The following SPAG5 variants were observed in gnomAD, a reference collection of about 807,000 sequenced individuals.
The protein encoded by SPAG5 is sperm-associated antigen 5.
SPAG5 carries 99 observed loss-of-function variants against 145.4 expected under a neutral mutation model. The ratio of observed to expected loss-of-function variants is 0.68; its 90% CI spans 0.58 to 0.80. The LOEUF is 0.80. Among genes scored for constraint, SPAG5 ranks in the 30% least tolerant of loss-of-function variants. The pLI is 0.00. For missense variants in SPAG5, 1,192 were observed against 1,416.0 expected, an observed-to-expected ratio of 0.84 and a Z score of 2.54; for synonymous variants, 477 against 525.4, an observed-to-expected ratio of 0.91 and a Z score of 1.26.
At chr17:28,582,687 G>A (rs1356202804) in intron 15 of SPAG5, 2 of 152,170 alleles carry the variant, frequency 1.3e-5, no homozygotes, top group East Asian at 3.8e-4. Flanking sequence ...CCAGATTTTA[G>A]GATATTTGTT....
In SPAG5 at chr17:28,584,663, C is replaced by T. The variant is rs201101806; in HGVS notation, c.2150G>A (p.Arg717His). ...ACACACACAAACACCTGTTGCTAGA[C>T]GACTGTTTTCCAACTCCAGTTGTTC... is the stretch of plus-strand genomic sequence containing the variant. ...QTEQLELENS[R>H]LATDLRAQLQ... The change falls in exon 11 of 24, where the codon CGT (arginine) becomes CAT (histidine). Residue 717 changes from arginine (R) to histidine (H), a missense_variant. By Grantham distance (29) the Arg-to-His change is conservative. Transcript: ENST00000321765. 36 of 1,613,924 alleles carry T rather than the reference C, an allele frequency of 2.2e-5. No individual in the cohort carries two copies. Among genetic ancestry groups the T allele is most frequent in the Admixed American group, 3.3e-5 (2 of 60,006 alleles).
In SPAG5 at chr17:28,578,460, G is replaced by C. The variant is rs2070523643; in HGVS notation, c.3267C>G (p.Leu1089=). 3 of 1,613,826 alleles carry C rather than the reference G, an allele frequency of 1.9e-6. No homozygotes were observed. The highest frequency in any genetic ancestry group is 2.5e-6 in the Non-Finnish European group (3 of 1,180,042). Residue 1089 remains leucine (L), a synonymous_variant, in exon 21 of 24, where the codon CTC becomes CTG. Transcript: ENST00000321765. ...LRRAETETKV[L]QEALAGQLDS... is the part of the protein sequence containing the mutation. ...CCAGCTGGCCTGCCAGGGCCTCCTG[G>C]AGCACTTTGGTCTCTGTCTCCGCAC...
rs1349276571 is a variant in SPAG5 at position 28,598,881 on chromosome 17, A to C, written c.51+15T>G. On this transcript the variant is annotated intron_variant, in intron 1 of 23. Coordinates refer to ENST00000321765, the MANE Select transcript of SPAG5 (RefSeq NM_006461.4). ...AGCCCGGCCCAGTTCTCTCCGCCAG[A>C]GATCTCCCGCTTACCGTCTGGGGCG... 6.2e-7 allele frequency: 1 copy of C among 1,613,370 alleles called. No homozygotes were observed. Among genetic ancestry groups the C allele is most frequent in the Non-Finnish European group, 8.5e-7 (1 of 1,179,574 alleles).
Position 28,583,558 on chromosome 17 carries a change from G to A in SPAG5, c.2638C>T (p.Gln880Ter), listed in dbSNP as rs771799136. 5.6e-6 allele frequency: 9 copies of A among 1,613,286 alleles called. No homozygotes were observed. In the South Asian group the frequency reaches 9.9e-5, roughly 18 times the overall value. ...YSQKLGLLTE[Q>*]LQSLTLFLQT... Reference sequence around the variant, plus strand: ...AGAAAGAGAGTCAGGCTCTGTAGTTGCTCAGTCAGCAGCCCTAGCTTTTGA... The same window carrying A: ...AGAAAGAGAGTCAGGCTCTGTAGTTACTCAGTCAGCAGCCCTAGCTTTTGA... Residue 880 changes from glutamine to a stop codon, truncating the protein, a stop_gained, in exon 15 of 24, where the codon CAA becomes TAA. Coordinates refer to ENST00000321765, the MANE Select transcript of SPAG5 (RefSeq NM_006461.4). LOFTEE classifies it high-confidence loss of function.
chr17:28,590,064 G>A (rs575871947), intron 4 of SPAG5, among the ~76,000 whole-genome samples: 6 of 152,162 alleles, frequency 3.9e-5, no homozygotes, highest in Non-Finnish European at 8.8e-5. Context: ...CTTTTAATCA[G>A]TTGTATATTA....
At chr17:28,581,315 GGCT>G (rs951318061) in intron 15 of SPAG5, among the ~76,000 whole-genome samples, 3 of 152,120 alleles carry the variant, frequency 2.0e-5, no homozygotes, top group Non-Finnish European at 2.9e-5. Context: ...TTGTGGCTGC[GGCT>G]GCTAACTGGC....
chr17:28,578,805 C>T (rs2070527213), intron 19 of SPAG5, 53 bp from the exon 20 acceptor site: 3 of 1,433,010 alleles, frequency 2.1e-6, no homozygotes, highest in Non-Finnish European at 2.9e-6. Flanking sequence ...CTCTTCACAG[C>T]CCTTGCCAGG....
At chr17:28,588,534 A>G (rs908701774) in intron 4 of SPAG5, among the ~76,000 whole-genome samples, 4 of 152,190 alleles carry the variant, frequency 2.6e-5, no homozygotes, top group African/African-American at 9.7e-5. Context: ...TTTCAACTCA[A>G]AGGAGGTCTC....
At position 28,577,704 on chromosome 17, in the gene SPAG5, T is replaced by C. The variant is rs780335424; in HGVS notation, c.3577A>G (p.Ser1193Gly). 8 of 1,612,546 alleles carry C rather than the reference T, an allele frequency of 5.0e-6. No homozygotes were observed. The highest frequency in any genetic ancestry group is 2.2e-5 in the East Asian group (1 of 44,882). Reference sequence around the variant, plus strand: ...AGATTCTGGCTTTCAGTTTCTTAGCTCAGAAATTCCAGCAATCCCTGTAGT... The same window carrying C: ...AGATTCTGGCTTTCAGTTTCTTAGCCCAGAAATTCCAGCAATCCCTGTAGT... ...KELQGLLEFL[S>G] is the part of the protein sequence containing the mutation. The change falls in exon 24 of 24, where the codon AGC becomes GGC. Residue 1193 changes from serine to glycine, a missense_variant. By Grantham distance (56) the Ser-to-Gly change is moderately conservative. This residue lies in a region of SPAG5 where 709 missense variants were observed against 840.7 expected (regional missense o/e 0.84). Coordinates refer to ENST00000321765, the MANE Select transcript of SPAG5 (RefSeq NM_006461.4).
In SPAG5 at chr17:28,584,172, C is replaced by A; in HGVS notation, c.2390G>T (p.Arg797Leu). 1.2e-6 allele frequency: 2 copies of A among 1,614,066 alleles called. No homozygotes were observed. Among genetic ancestry groups the A allele is most frequent in the Non-Finnish European group, 1.7e-6 (2 of 1,180,040 alleles). ...QQQAVLAKEV[R>L]DLKETLEFAD... ...TACCTCCAAGGTCTCTTTCAGGTCCCGCACCTCTTTGGCCAGGACAGCTTG... is the reference window on the plus strand; with the variant it reads ...TACCTCCAAGGTCTCTTTCAGGTCCAGCACCTCTTTGGCCAGGACAGCTTG... The change falls in exon 13 of 24, where the codon CGG (arginine) becomes CTG (leucine). Residue 797 changes from arginine to leucine, a missense_variant. Around this residue, in one of 5 missense-constraint regions of SPAG5, gnomAD observed 709 missense variants for 840.7 expected, o/e 0.84. Transcript: ENST00000321765.
chr17:28,595,903 TG>T (rs1254106466), intron 2 of SPAG5, among the ~76,000 whole-genome samples: 1 of 151,836 alleles, frequency 6.6e-6, no homozygotes, highest in East Asian at 1.9e-4. Context: ...AAAAATTACC[TG>T]GGCGTAGTGA....
chr17:28,598,858 C>A (rs1269870132), intron 1 of SPAG5, 38 bp downstream of exon 1: 1 of 1,609,870 alleles, frequency 6.2e-7, no homozygotes, highest in Non-Finnish European at 8.5e-7. Context: ...GCGACAGCAG[C>A]CCGGCCCAGT....
At chr17:28,578,641 G>A in intron 20 of SPAG5, 31 bp downstream of exon 20, 2 of 1,611,086 alleles carry the variant, frequency 1.2e-6, no homozygotes, top group African/African-American at 1.3e-5. Flanking sequence ...TAACACAGAA[G>A]GCAAAGGCCT....
rs758307725 is a variant in SPAG5 at position 28,579,387 on chromosome 17, T to G, written c.2983A>C (p.Ile995Leu). The change falls in exon 18 of 24, where the codon ATC becomes CTC. Residue 995 changes from isoleucine to leucine, a missense_variant. Ile to Leu is a conservative substitution (Grantham distance 5, BLOSUM62 2). This residue lies in a region of SPAG5 where 709 missense variants were observed against 840.7 expected (regional missense o/e 0.84). Transcript: ENST00000321765. Reference protein sequence around the residue: ...SLLQESKEEAIRTLQRKICEL... With the variant: ...SLLQESKEEALRTLQRKICEL... ...CACATTTTTCGCTGCAGAGTCCTGATGGCTTCTTCTTTAGACTCTTGTAGC... is the reference window on the plus strand; with the variant it reads ...CACATTTTTCGCTGCAGAGTCCTGAGGGCTTCTTCTTTAGACTCTTGTAGC... 1 of 1,614,228 alleles carries G rather than the reference T, an allele frequency of 6.2e-7. No individual in the cohort carries two copies. The highest frequency in any genetic ancestry group is 1.3e-5 in the African/African-American group (1 of 75,066).
chr17:28,596,796 A>C (rs1026734252), intron 2 of SPAG5, among the ~76,000 whole-genome samples: 3 of 152,168 alleles, frequency 2.0e-5, no homozygotes, highest in African/African-American at 4.8e-5. Flanking sequence ...AGCCACATGT[A>C]GCTATTGAAA....
chr17:28,584,206 G>C lies in SPAG5; in HGVS notation c.2356C>G (p.Gln786Glu). Residue 786 changes from glutamine to glutamate, a missense_variant, in exon 13 of 24, where the codon CAG becomes GAG. Physicochemically the swap from Gln to Glu is conservative, Grantham distance 29 (BLOSUM62 2). Around this residue, in one of 5 missense-constraint regions of SPAG5, gnomAD observed 709 missense variants for 840.7 expected, o/e 0.84. Coordinates refer to ENST00000321765, the MANE Select transcript of SPAG5 (RefSeq NM_006461.4). ...MALKHMQAEL[Q>E]QQQAVLAKEV... ...TTGGCCAGGACAGCTTGTTGCTGCT[G>C]CAGTTCTGCCTGCATGTGTTTTAGT... 6.2e-7 allele frequency: 1 copy of C among 1,613,964 alleles called. No individual in the cohort carries two copies.
At chr17:28,588,044 G>T (rs2070597424) in intron 4 of SPAG5, among the ~76,000 whole-genome samples, 2 of 152,158 alleles carry the variant, frequency 1.3e-5, no homozygotes, top group Non-Finnish European at 2.9e-5. Context: ...CATTACTGAG[G>T]CAAGGCAGCC....
chr17:28,591,616 C>G, intron 4 of SPAG5, 82 bp downstream of exon 4: 1 of 1,307,778 alleles, frequency 7.6e-7, no homozygotes, highest in Non-Finnish European at 1.1e-6. Flanking sequence ...ATAGGAGTCC[C>G]CTTTGCCCTC....
intron 4 of SPAG5, among the ~76,000 whole-genome samples, chr17:28,588,391 G>A (rs2070599533): frequency 6.6e-6 from 1 of 152,172 alleles, no homozygotes. Context: ...TCAGGGATGG[G>A]AAACAAGGTC....
Sources: gnomAD v4.1 joint callset for allele counts (sites outside exome capture counted in the v4.1 genomes callset) on GRCh38, gnomAD v4.1.1 for gene constraint, gnomAD v4.1.1 regional missense constraint, MANE v1.5 for transcripts, NCBI Gene and HGNC (gene_info 2026-07-23, HGNC 2026-07-21) for gene names.